CREB5: variants seen among roughly 807,000 people sequenced by gnomAD.
CREB5 encodes cAMP responsive element binding protein 5, also known as cyclic AMP-responsive element-binding protein 5.
CREB5 carries 19 observed loss-of-function variants against 57.1 expected under a neutral mutation model. The ratio of observed to expected loss-of-function variants is 0.33; its 90% CI spans 0.23 to 0.49. The LOEUF is 0.49. Among genes scored for constraint, CREB5 ranks in the 20% least tolerant of loss-of-function variants. The probability of loss-of-function intolerance (pLI) is 0.99; values close to 1 mark genes in which losing one functional copy is unlikely to be tolerated. For missense variants in CREB5, 579 were observed against 671.6 expected (o/e 0.86, Z 1.52); for synonymous variants, 238 against 238.3 (o/e 1.00, Z 0.01).
At chr7:28,585,191 T>C (rs1796264056) in intron 5 of CREB5, among the ~76,000 whole-genome samples, 4 of 152,252 alleles carry the variant, frequency 2.6e-5, no homozygotes, top group South Asian at 2.1e-4. Flanking sequence ...GTCTGCCCTA[T>C]AATTTGCAAA....
chr7:28,482,244 A>G (rs1361695355), intron 1 of CREB5, among the ~76,000 whole-genome samples: 1 of 152,220 alleles, frequency 6.6e-6, no homozygotes, highest in African/African-American at 2.4e-5. Context: ...ACATGTGGGG[A>G]TAACCTACCT....
intron 1 of CREB5, among the ~76,000 whole-genome samples, chr7:28,388,772 T>C (rs7794304): frequency 0.43 from 65,180 of 152,086 alleles, 14,798 homozygotes; most frequent in Middle Eastern, 0.51. Flanking sequence ...CTCTTAGAGC[T>C]GGCATTTGTT....
At chr7:28,552,998 C>T (rs532400009) in intron 4 of CREB5, among the ~76,000 whole-genome samples, 29 of 152,124 alleles carry the variant, frequency 1.9e-4, no homozygotes, top group Non-Finnish European at 1.3e-4. Flanking sequence ...GCGTGGTGGG[C>T]GCAATTCAGT....
chr7:28,319,833 G>T (rs1785458975), intron 1 of CREB5, among the ~76,000 whole-genome samples: 1 of 152,044 alleles, frequency 6.6e-6, no homozygotes, highest in East Asian at 1.9e-4. Flanking sequence ...TGGGAAGGTG[G>T]CTAGGCTTTT....
At chr7:28,564,590 G>A (rs554637603) in intron 4 of CREB5, among the ~76,000 whole-genome samples, 1 of 152,194 alleles carries the variant, frequency 6.6e-6, no homozygotes, top group South Asian at 2.1e-4. Context: ...TTATGTCTCA[G>A]AACAATAATG....
At chr7:28,312,474 A>G (rs1310280497) in intron 1 of CREB5, among the ~76,000 whole-genome samples, 1 of 152,146 alleles carries the variant, frequency 6.6e-6, no homozygotes, top group African/African-American at 2.4e-5. Flanking sequence ...GTGGCTTGGG[A>G]GACCATGGAC....
chr7:28,782,270 T>G (rs1807032349), intron 7 of CREB5, among the ~76,000 whole-genome samples: 1 of 152,156 alleles, frequency 6.6e-6, no homozygotes, highest in African/African-American at 2.4e-5. Flanking sequence ...TATAAAAGAT[T>G]AAAGCAGTGT....
intron 2 of CREB5, among the ~76,000 whole-genome samples, chr7:28,493,535 G>A (rs2128597829): frequency 6.6e-6 from 1 of 152,280 alleles, no homozygotes; most frequent in Non-Finnish European, 1.5e-5. Flanking sequence ...TAGGATGATT[G>A]GGTAGCCACT....
chr7:28,770,791 G>A (rs1316030521), intron 7 of CREB5, among the ~76,000 whole-genome samples: 1 of 152,182 alleles, frequency 6.6e-6, no homozygotes, highest in Non-Finnish European at 1.5e-5. Flanking sequence ...CAGGGGGATG[G>A]GAGAATAGAG....
intron 1 of CREB5, among the ~76,000 whole-genome samples, chr7:28,428,633 TAGAA>T (rs1221258146): frequency 1.3e-5 from 2 of 152,140 alleles, no homozygotes; most frequent in East Asian, 1.9e-4. Flanking sequence ...AGACGGCAGG[TAGAA>T]CAGGGTCAGT....
chr7:28,561,020 G>GCA (rs1373452826), intron 4 of CREB5, among the ~76,000 whole-genome samples: 7 of 10,538 alleles, frequency 6.6e-4, no homozygotes, highest in African/African-American at 7.3e-4. Context: ...GTGTGTGCGT[G>GCA]TGTGCGTGTG....
chr7:28,817,297 A>G (rs1489305592), intron 9 of CREB5, among the ~76,000 whole-genome samples: 1 of 152,186 alleles, frequency 6.6e-6, no homozygotes, highest in Non-Finnish European at 1.5e-5. Context: ...GTATGCTTCC[A>G]TACCTCCTGC....
intron 4 of CREB5, among the ~76,000 whole-genome samples, chr7:28,520,482 C>G (rs960184134): frequency 6.6e-6 from 1 of 152,202 alleles, no homozygotes; most frequent in African/African-American, 2.4e-5. Flanking sequence ...TCCTGCAACT[C>G]CCTGGCAGAG....
intron 5 of CREB5, 35 bp downstream of exon 5, chr7:28,570,572 G>GC: frequency 1.3e-6 from 2 of 1,598,720 alleles, no homozygotes; most frequent in Non-Finnish European, 1.7e-6. Context: ...CTGGGTCCTG[G>GC]CTGGAACTCA....
At chr7:28,814,773 G>GT (rs914079221) in intron 9 of CREB5, among the ~76,000 whole-genome samples, 5 of 152,260 alleles carry the variant, frequency 3.3e-5, no homozygotes, top group Middle Eastern at 3.4e-3. Context: ...CAACTCTCAA[G>GT]TGAGAGTTCC....
chr7:28,403,110 G>C (rs994108019), intron 1 of CREB5, among the ~76,000 whole-genome samples: 22 of 152,338 alleles, frequency 1.4e-4, no homozygotes, highest in Admixed American at 1.4e-3. Context: ...GAAGGGTAAA[G>C]TGTGATGGCT....
At chr7:28,415,689 G>A (rs1234863544) in intron 1 of CREB5, among the ~76,000 whole-genome samples, 1 of 152,062 alleles carries the variant, frequency 6.6e-6, no homozygotes, top group East Asian at 1.9e-4. Context: ...GTAAAAACCA[G>A]GCAGGACTAA....
At chr7:28,560,963 T>TGCGCGCGCGC (rs1194418363) in intron 4 of CREB5, among the ~76,000 whole-genome samples, 1 of 48,108 alleles carries the variant, frequency 2.1e-5, no homozygotes, top group African/African-American at 8.7e-5. Context: ...TGTGTGTGCG[T>TGCGCGCGCGC]GTGTGTGTGC....
At chr7:28,614,436 G>A (rs556791056) in intron 5 of CREB5, among the ~76,000 whole-genome samples, 2 of 152,130 alleles carry the variant, frequency 1.3e-5, no homozygotes, top group African/African-American at 4.8e-5. Context: ...ACATGGATGA[G>A]ACCAAGACTA....
Sources: gnomAD v4.1 joint callset for allele counts (sites outside exome capture counted in the v4.1 genomes callset) on GRCh38, gnomAD v4.1.1 for gene constraint, MANE v1.5 for transcripts, NCBI Gene and HGNC (gene_info 2026-07-23, HGNC 2026-07-21) for gene names.